Variants in TBC1D22A observed in about 807,000 individuals in gnomAD.
The protein encoded by TBC1D22A is TBC1 domain family member 22A, also known as putative GTPase activator.
TBC1D22A carries 38 observed loss-of-function variants against 60.2 expected under a neutral mutation model. The observed-to-expected ratio is 0.63, with a 90% confidence interval of 0.49 to 0.83. The LOEUF (loss-of-function observed/expected upper bound fraction) is 0.83, where lower values mean the gene tolerates loss of function less well. Among genes scored for constraint, TBC1D22A ranks in the 40% least tolerant of loss-of-function variants. The pLI is 0.00. For synonymous variants in TBC1D22A, 302 were observed against 281.7 expected, an observed-to-expected ratio of 1.07 and a Z score of -0.72; for missense variants, 628 against 701.0, an observed-to-expected ratio of 0.90 and a Z score of 1.18.
At chr22:46,805,366 G>T (rs1468061027) in intron 4 of TBC1D22A, among the ~76,000 whole-genome samples, 1 of 152,232 alleles carries the variant, frequency 6.6e-6, no homozygotes, top group Non-Finnish European at 1.5e-5. Flanking sequence ...GTAGGTAACA[G>T]AAAAGCAGAC....
Position 47,028,078 on chromosome 22 carries a change from AGCTCGTGT to A in TBC1D22A, c.1202-8990_1202-8983del, listed in dbSNP as rs1451632145. Among the ~76,000 whole-genome samples the A allele has an allele frequency of 1.3e-4, 20 of 152,220 alleles. No individual in the cohort carries two copies. Among genetic ancestry groups the A allele is most frequent in the Non-Finnish European group, 5.9e-5 (4 of 68,032 alleles). On this transcript the variant is annotated intron_variant, in intron 10 of 12. Transcript: ENST00000337137. This position sits in a 1 kb window ranked among gnomAD's most constrained non-coding sequence, Gnocchi z 4.4. The stretch of plus-strand genomic sequence containing the variant: ...CCTGTTTTGGAGGGGTGTGCTGAGT[AGCTCGTGT>A]GCACGTCTGTGAGGTGAAAATGATT...
At chr22:46,933,627 G>C (rs756881799) in intron 8 of TBC1D22A, among the ~76,000 whole-genome samples, 53 of 152,076 alleles carry the variant, frequency 3.5e-4, no homozygotes, top group Non-Finnish European at 2.8e-4. Flanking sequence ...GAGACCACTG[G>C]GGGGGGGTTG....
chr22:46,883,132 C>G (rs534556947), intron 5 of TBC1D22A, among the ~76,000 whole-genome samples: 3 of 152,332 alleles, frequency 2.0e-5, no homozygotes, highest in Non-Finnish European at 4.4e-5. Flanking sequence ...ACAAAAACTA[C>G]TTAAACATCG....
intron 4 of TBC1D22A, among the ~76,000 whole-genome samples, chr22:46,876,163 A>T (rs997575082): frequency 1.3e-5 from 2 of 152,220 alleles, no homozygotes; most frequent in Admixed American, 6.5e-5. Flanking sequence ...GTCTTCTACC[A>T]TCCTTGACTC....
chr22:46,835,164 G>A (rs2086463865), intron 4 of TBC1D22A, among the ~76,000 whole-genome samples: 1 of 152,160 alleles, frequency 6.6e-6, no homozygotes, highest in African/African-American at 2.4e-5. Flanking sequence ...AGTAAAGACT[G>A]GGGAAAGTGA....
chr22:47,145,642 T>A (rs935725902), intron 12 of TBC1D22A, among the ~76,000 whole-genome samples: 21 of 152,200 alleles, frequency 1.4e-4, no homozygotes, highest in Admixed American at 1.4e-3. Flanking sequence ...GGTATTCTTG[T>A]TTTAGAGTTT....
At chr22:47,113,344 C>T (rs1351124740) in intron 12 of TBC1D22A, among the ~76,000 whole-genome samples, 2 of 152,184 alleles carry the variant, frequency 1.3e-5, no homozygotes, top group African/African-American at 2.4e-5. Flanking sequence ...CTGTGACTGG[C>T]TGGCTGGGGA....
At position 47,109,762 on chromosome 22, in the gene TBC1D22A, G is replaced by C. The variant is rs1001638785; in HGVS notation, c.1330-1746G>C. The stretch of plus-strand genomic sequence containing the variant: ...CTTGGTTCCTTTCTCTCCTACCCCA[G>C]ATCTGTCATACGCGTTGGTGTGTTT... On this transcript the variant is annotated intron_variant, in intron 11 of 12. Coordinates refer to ENST00000337137, the MANE Select transcript of TBC1D22A (RefSeq NM_014346.5). Among the ~76,000 whole-genome samples the C allele has an allele frequency of 3.3e-5, 5 of 151,950 alleles. No homozygotes were observed. In the South Asian group the frequency reaches 1.0e-3, roughly 32 times the overall value.
chr22:46,828,525 T>C (rs2086170242), intron 4 of TBC1D22A, among the ~76,000 whole-genome samples: 1 of 152,254 alleles, frequency 6.6e-6, no homozygotes, highest in Non-Finnish European at 1.5e-5. Flanking sequence ...CCTGGGCCGC[T>C]TTGGGAGTCT....
intron 8 of TBC1D22A, among the ~76,000 whole-genome samples, chr22:46,929,811 T>G: frequency 6.6e-6 from 1 of 152,204 alleles, no homozygotes; most frequent in East Asian, 1.9e-4. Flanking sequence ...ACTGCAGGCC[T>G]CGTGCTTAGA....
At chr22:46,966,489 TTTG>T (rs1264391067) in intron 8 of TBC1D22A, among the ~76,000 whole-genome samples, 1 of 152,222 alleles carries the variant, frequency 6.6e-6, no homozygotes, top group African/African-American at 2.4e-5. Context: ...GTGTTTGATA[TTTG>T]TTAATAGAAG....
rs34771491 is a variant in TBC1D22A, at chr22:46,836,994, TA to T, written c.637+39391del. On this transcript the variant is annotated intron_variant, in intron 4 of 12. Coordinates refer to ENST00000337137, the MANE Select transcript of TBC1D22A (RefSeq NM_014346.5). ...GGCAACATAGGGAGATCTTGTCTCC[TA>T]AAAAAAAAAAAAAAAATTAGCGGGG... is the stretch of plus-strand genomic sequence containing the variant. Among the ~76,000 whole-genome samples, 1,010 of 134,802 alleles carry T rather than the reference TA, an allele frequency of 7.5e-3. 1 individual carries two copies. Among genetic ancestry groups the T allele is most frequent in the African/African-American group, 0.016 (560 of 35,924 alleles). The allele number at this position is 134,802 out of a possible 152,430, so 88.4% of individuals were successfully genotyped here. A position where few individuals can be genotyped will look rare whatever the true frequency, so the allele number is the denominator to read the frequency against.
At chr22:46,778,624 A>G (rs2083804689) in intron 1 of TBC1D22A, among the ~76,000 whole-genome samples, 1 of 152,184 alleles carries the variant, frequency 6.6e-6, no homozygotes, top group South Asian at 2.1e-4. Context: ...ATCTTCCATG[A>G]TAACATTGCC....
chr22:47,054,865 A>G (rs1569396409), intron 11 of TBC1D22A, among the ~76,000 whole-genome samples: 1 of 152,156 alleles, frequency 6.6e-6, no homozygotes, highest in Non-Finnish European at 1.5e-5. Flanking sequence ...AACAGCAGAA[A>G]TGTCGTGGTG....
intron 11 of TBC1D22A, among the ~76,000 whole-genome samples, chr22:47,104,173 G>A (rs558578857): frequency 6.6e-6 from 1 of 152,050 alleles, no homozygotes; most frequent in Non-Finnish European, 1.5e-5. Flanking sequence ...AGGTGTGGTG[G>A]TGTGTGCCTG....
At chr22:46,792,008 G>A (rs575879847) in intron 1 of TBC1D22A, among the ~76,000 whole-genome samples, 2 of 152,306 alleles carry the variant, frequency 1.3e-5, no homozygotes, top group South Asian at 4.1e-4. Flanking sequence ...TGATCCGCCC[G>A]CCTTGGCCTC....
At chr22:46,890,512 A>G (rs548395141) in intron 5 of TBC1D22A, among the ~76,000 whole-genome samples, 5 of 152,308 alleles carry the variant, frequency 3.3e-5, no homozygotes, top group Admixed American at 1.3e-4. Flanking sequence ...TGCAAACACT[A>G]TGGCATTTTA....
intron 1 of TBC1D22A, among the ~76,000 whole-genome samples, chr22:46,781,747 C>T (rs1366666738): frequency 9.9e-5 from 15 of 152,214 alleles, no homozygotes; most frequent in Admixed American, 9.8e-4. Context: ...CACATTGTTC[C>T]ACTTTCACCT....
At chr22:46,915,928 G>C in intron 8 of TBC1D22A, 1 of 447,636 alleles carries the variant, frequency 2.2e-6, no homozygotes, top group Non-Finnish European at 4.5e-6. Context: ...CTGGCACTCA[G>C]AGCCCTCTCA....
Sources: allele counts gnomAD v4.1 joint callset (sites outside exome capture counted in the v4.1 genomes callset), GRCh38; gene constraint gnomAD v4.1.1; non-coding constraint Gnocchi (gnomAD v3.1); transcripts MANE v1.5; gene names NCBI Gene and HGNC (gene_info 2026-07-23, HGNC 2026-07-21).